DCAF5: variants seen among roughly 807,000 people sequenced by gnomAD.
The protein encoded by DCAF5 is DDB1 and CUL4 associated factor 5.
In DCAF5, 9 loss-of-function variants were observed where a neutral mutation model predicts 80.7. The observed-to-expected ratio is 0.11, with a 90% confidence interval of 0.07 to 0.19. The LOEUF is 0.19. Among genes scored for constraint, DCAF5 ranks in the 10% least tolerant of loss-of-function variants. DCAF5 has a pLI of 1.00. For missense variants in DCAF5, 842 were observed against 1,205.7 expected (o/e 0.70, Z 4.47); for synonymous variants, 433 against 461.9 (o/e 0.94, Z 0.80).
chr14:69,054,578 G>A lies in DCAF5; in HGVS notation c.2108C>T (p.Ala703Val). ...ACAGGCTTCCTTACTGGAAGAAGGG[G>A]CTGGGTTGTCTTTGTGGCTGGTTCC... ...RAGTSHKDNPAPSSSKEACLN... is the reference protein window; with the variant it reads ...RAGTSHKDNPVPSSSKEACLN... The change falls in exon 9 of 9, where the codon GCC becomes GTC. Residue 703 changes from alanine (A) to valine (V), a missense_variant. Transcript: ENST00000341516. 1 of 1,614,224 alleles carries A rather than the reference G, an allele frequency of 6.2e-7. No homozygotes were observed. Among genetic ancestry groups the A allele is most frequent in the Non-Finnish European group, 8.5e-7 (1 of 1,180,032 alleles).
intron 7 of DCAF5, among the ~76,000 whole-genome samples, chr14:69,066,386 T>G (rs2038443174): frequency 6.6e-6 from 1 of 152,076 alleles, no homozygotes. Flanking sequence ...CTGCCCGCCT[T>G]GGCCTCCCAA....
intron 1 of DCAF5, among the ~76,000 whole-genome samples, chr14:69,129,507 GAAGC>G (rs2040976237): frequency 6.6e-6 from 1 of 152,244 alleles, no homozygotes; most frequent in South Asian, 2.1e-4. Flanking sequence ...GAGGGCTGGT[GAAGC>G]AAGGGAAAGT....
At chr14:69,106,281 C>T (rs2040156148) in intron 5 of DCAF5, among the ~76,000 whole-genome samples, 1 of 152,040 alleles carries the variant, frequency 6.6e-6, no homozygotes, top group Non-Finnish European at 1.5e-5. Context: ...GTCTCAAACT[C>T]CTGACCTCAG....
At chr14:69,097,579 ATTATTTTT>A (rs1413009581) in intron 5 of DCAF5, among the ~76,000 whole-genome samples, 1 of 106,440 alleles carries the variant, frequency 9.4e-6, no homozygotes, top group Admixed American at 1.1e-4. Context: ...TATTATTATT[ATTATTTTT>A]TTTTTTTTTT....
intron 7 of DCAF5, among the ~76,000 whole-genome samples, chr14:69,074,433 T>C (rs908794610): frequency 2.0e-5 from 3 of 152,100 alleles, no homozygotes; most frequent in Non-Finnish European, 4.4e-5. Context: ...GTAAAAAGAA[T>C]GAAGAGGTAT....
intron 5 of DCAF5, among the ~76,000 whole-genome samples, chr14:69,094,913 C>T (rs569588027): frequency 6.6e-6 from 1 of 152,316 alleles, no homozygotes; most frequent in East Asian, 1.9e-4. Context: ...AGGTAGCTTT[C>T]AAACCACACT....
chr14:69,111,266 A>G (rs1368768043), intron 5 of DCAF5, among the ~76,000 whole-genome samples: 2 of 152,190 alleles, frequency 1.3e-5, no homozygotes, highest in African/African-American at 2.4e-5. Context: ...GCCCCAAAAA[A>G]CAGACAGTTA....
At chr14:69,126,949 A>C (rs2040896393) in intron 1 of DCAF5, among the ~76,000 whole-genome samples, 1 of 152,068 alleles carries the variant, frequency 6.6e-6, no homozygotes, top group Non-Finnish European at 1.5e-5. Flanking sequence ...AAACTATAAA[A>C]CTCCTAGAAG....
At chr14:69,136,113 C>CTG (rs1555380054) in intron 1 of DCAF5, among the ~76,000 whole-genome samples, 5 of 125,316 alleles carry the variant, frequency 4.0e-5, no homozygotes. Flanking sequence ...ATGTGTAAAA[C>CTG]TTTTTTTTTT....
At chr14:69,101,928 C>T (rs2039965667) in intron 5 of DCAF5, among the ~76,000 whole-genome samples, 1 of 152,022 alleles carries the variant, frequency 6.6e-6, no homozygotes, top group Non-Finnish European at 1.5e-5. Flanking sequence ...CCATGAATAG[C>T]GCTTGCAGGA....
intron 4 of DCAF5, among the ~76,000 whole-genome samples, chr14:69,117,696 C>T (rs1595030253): frequency 6.6e-6 from 1 of 152,162 alleles, no homozygotes; most frequent in African/African-American, 2.4e-5. Context: ...ACACGACAAT[C>T]CCCTTTAAAC....
intron 1 of DCAF5, among the ~76,000 whole-genome samples, chr14:69,128,330 G>A (rs1270990984): frequency 6.6e-6 from 1 of 151,908 alleles, no homozygotes; most frequent in African/African-American, 2.4e-5. Flanking sequence ...GGGACTACAG[G>A]CAAGCACCAC....
At chr14:69,116,553 C>CA in intron 4 of DCAF5, 58 bp from the exon 5 acceptor site, 1 of 1,583,976 alleles carries the variant, frequency 6.3e-7, no homozygotes, top group South Asian at 1.1e-5. Flanking sequence ...CACTGGCAGG[C>CA]AGATAATCAG....
At chr14:69,090,528 C>T (rs1019185604) in intron 6 of DCAF5, 1 of 152,272 alleles carries the variant, frequency 6.6e-6, no homozygotes, top group Non-Finnish European at 1.5e-5. Context: ...AAAGAACATT[C>T]TCATCTATCT....
intron 5 of DCAF5, among the ~76,000 whole-genome samples, chr14:69,103,473 T>C (rs918050696): frequency 6.6e-6 from 1 of 152,224 alleles, no homozygotes; most frequent in African/African-American, 2.4e-5. Flanking sequence ...ACACAAGAAA[T>C]GTACAAGAAC....
At chr14:69,143,056 A>G (rs2041423296) in intron 1 of DCAF5, among the ~76,000 whole-genome samples, 1 of 152,196 alleles carries the variant, frequency 6.6e-6, no homozygotes, top group Non-Finnish European at 1.5e-5. Context: ...AATCTAGGTG[A>G]GGTGAGTGCT....
At position 69,105,944 on chromosome 14, in the gene DCAF5, T is replaced by TATATATATATA. The variant is rs35270301; in HGVS notation, c.665+10421_665+10422insTATATATATAT. On this transcript the variant is annotated intron_variant, in intron 5 of 8. Transcript: ENST00000341516. The stretch of plus-strand genomic sequence containing the variant: ...ATATATATATATATATATATATATA[T>TATATATATATA]ATCTCCTATTGGTTCTGTTCCTCTG... Among the ~76,000 whole-genome samples, 292 of 85,200 alleles carry TATATATATATA rather than the reference T, an allele frequency of 3.4e-3. 42 individuals carry two copies. Among genetic ancestry groups the TATATATATATA allele is most frequent in the Non-Finnish European group, 5.8e-3 (188 of 32,526 alleles). 55.9% of individuals were successfully genotyped at this position (85,200 alleles called of 152,430 possible).
intron 6 of DCAF5, among the ~76,000 whole-genome samples, chr14:69,087,950 A>C (rs1238245283): frequency 1.3e-5 from 2 of 152,256 alleles, no homozygotes; most frequent in Non-Finnish European, 2.9e-5. Flanking sequence ...TATGGTGCAC[A>C]GATTTGTTTC....
rs1402279085 is a variant in DCAF5, at chr14:69,102,270, G to A, written c.666-10383C>T. Among the ~76,000 whole-genome samples the A allele has an allele frequency of 3.3e-5, 5 of 151,522 alleles. No individual in the cohort carries two copies. The South Asian group carries it at 6.3e-4, about 19-fold the overall frequency. ...ATTACAGGCACACGTCACCATGCCC[G>A]GCTAATTTTTGTATTTTTAGTAGAG... On this transcript the variant is annotated intron_variant, in intron 5 of 8. Transcript: ENST00000341516.
Sources: allele counts gnomAD v4.1 joint callset (sites outside exome capture counted in the v4.1 genomes callset), GRCh38; gene constraint gnomAD v4.1.1; transcripts MANE v1.5; gene names NCBI Gene and HGNC (gene_info 2026-07-23, HGNC 2026-07-21).